Variants in ABR observed in about 807,000 individuals in gnomAD.
The protein encoded by ABR is ABR activator of RhoGEF and GTPase, also known as active breakpoint cluster region-related protein.
In ABR, 35 loss-of-function variants were observed where a neutral mutation model predicts 107.2. The ratio of observed to expected loss-of-function variants is 0.33; its 90% CI spans 0.25 to 0.43. ABR has a LOEUF of 0.43. Among genes scored for constraint, ABR ranks in the 20% least tolerant of loss-of-function variants. The pLI is 1.00. For missense variants in ABR, 815 were observed against 1,115.2 expected (o/e 0.73, Z 3.83); for synonymous variants, 498 against 462.0 (o/e 1.08, Z -1.00).
intron 1 of ABR, among the ~76,000 whole-genome samples, chr17:1,167,944 G>A (rs2041576252): frequency 6.6e-6 from 1 of 152,148 alleles, no homozygotes; most frequent in Non-Finnish European, 1.5e-5. Context: ...CTTGAGGTCA[G>A]GAGTTCAAAG....
At chr17:1,139,345 G>A (rs2040201835) in intron 1 of ABR, among the ~76,000 whole-genome samples, 2 of 152,100 alleles carry the variant, frequency 1.3e-5, no homozygotes, top group Admixed American at 1.3e-4. Context: ...TCCGCCTCCC[G>A]GGTTCAAGCC....
At position 1,037,325 on chromosome 17, in the gene ABR, A is replaced by T. The variant is rs993206566; in HGVS notation, c.1791+12725T>A. ...GTCCCGAGTACGTGCTGCTTCTCAC[A>T]CAGCTCCAGCCTCCCTCTGCCTGAC... On this transcript the variant is annotated intron_variant, in intron 16 of 22. Transcript: ENST00000302538. This position sits in a 1 kb window ranked among gnomAD's most constrained non-coding sequence, Gnocchi z 4.6. Among the ~76,000 whole-genome samples the T allele has an allele frequency of 6.6e-6, 1 of 151,956 alleles. No homozygotes were observed. Among genetic ancestry groups the T allele is most frequent in the African/African-American group, 2.4e-5 (1 of 41,334 alleles).
At chr17:1,169,791 T>C (rs2041640219) in intron 1 of ABR, among the ~76,000 whole-genome samples, 2 of 152,064 alleles carry the variant, frequency 1.3e-5, no homozygotes, top group Admixed American at 1.3e-4. Context: ...TTATTTTCCT[T>C]TTGAAATGTG....
At chr17:1,108,257 GCCGCCCCGCT>G (rs774801650) in intron 2 of ABR, among the ~76,000 whole-genome samples, 39 of 152,254 alleles carry the variant, frequency 2.6e-4, no homozygotes, top group South Asian at 4.1e-4. Context: ...TGGTTCCGGG[GCCGCCCCGCT>G]CCTCAAGGGA....
intron 2 of ABR, among the ~76,000 whole-genome samples, chr17:1,122,776 C>T (rs2039408111): frequency 6.6e-6 from 1 of 152,198 alleles, no homozygotes. Flanking sequence ...ACAGATAACG[C>T]ACACACCCTG....
At chr17:1,036,648 C>G (rs372126597) in intron 16 of ABR, among the ~76,000 whole-genome samples, 2 of 150,592 alleles carry the variant, frequency 1.3e-5, no homozygotes, top group African/African-American at 5.0e-5. Flanking sequence ...CCAGCGCCCA[C>G]ACAGGGCGTG....
At chr17:1,019,774 G>A (rs1433213805) in intron 16 of ABR, among the ~76,000 whole-genome samples, 1 of 152,266 alleles carries the variant, frequency 6.6e-6, no homozygotes, top group Non-Finnish European at 1.5e-5. Context: ...CTGGCCCCTG[G>A]GACGTTGGTG....
intron 1 of ABR, among the ~76,000 whole-genome samples, chr17:1,206,957 C>T (rs940457511): frequency 6.6e-6 from 1 of 152,066 alleles, no homozygotes. Flanking sequence ...TGGTGGCATG[C>T]GCCTGTAATC....
At chr17:1,143,637 T>C (rs1182023211) in intron 1 of ABR, among the ~76,000 whole-genome samples, 1 of 152,120 alleles carries the variant, frequency 6.6e-6, no homozygotes, top group Non-Finnish European at 1.5e-5. Context: ...GCGGGTGTTA[T>C]GGCCTCTCTG....
chr17:1,048,738 G>A lies in ABR; in HGVS notation c.1791+1312C>T, dbSNP rs373831148. On this transcript the variant is annotated intron_variant, in intron 16 of 22. Transcript: ENST00000302538. ...GCCCAGCTGCGCCTGGATCACGTCC[G>A]GGGCCACGGTCAAGAAGCTCGGCGC... Among the ~76,000 whole-genome samples the A allele has an allele frequency of 6.0e-5, 9 of 148,776 alleles. No individual in the cohort carries two copies. In the East Asian group the frequency reaches 1.4e-3, roughly 23 times the overall value.
intron 1 of ABR, among the ~76,000 whole-genome samples, chr17:1,203,295 C>G (rs1461365673): frequency 1.8e-5 from 2 of 111,482 alleles, no homozygotes; most frequent in Admixed American, 1.0e-4. Flanking sequence ...CCTCAGGGGG[C>G]GTGGCCCGGC....
intron 1 of ABR, among the ~76,000 whole-genome samples, chr17:1,126,858 G>A (rs906935217): frequency 7.2e-5 from 11 of 152,334 alleles, no homozygotes; most frequent in East Asian, 1.9e-4. Context: ...GCAGGCTCTC[G>A]GGGAAAGTGC....
At chr17:1,170,097 T>A (rs1464664097) in intron 1 of ABR, among the ~76,000 whole-genome samples, 1 of 151,972 alleles carries the variant, frequency 6.6e-6, no homozygotes, top group African/African-American at 2.4e-5. Context: ...GGGCTCCAAG[T>A]GCCCATGAGG....
intron 2 of ABR, among the ~76,000 whole-genome samples, chr17:1,102,732 CAA>C (rs1328355735): frequency 6.6e-6 from 1 of 152,136 alleles, no homozygotes; most frequent in African/African-American, 2.4e-5. Context: ...CTTATTGAGA[CAA>C]AGTCTCCCTC....
At chr17:1,226,489 A>G (rs1254822624) in intron 1 of ABR, among the ~76,000 whole-genome samples, 1 of 144,440 alleles carries the variant, frequency 6.9e-6, no homozygotes, top group African/African-American at 2.8e-5. Context: ...TGCCATGTGT[A>G]TACGTGTAGG....
rs1192023546 is a variant in ABR at position 1,027,684 on chromosome 17, G to A, written c.1792-14520C>T. On this transcript the variant is annotated intron_variant, in intron 16 of 22. Coordinates refer to ENST00000302538, the MANE Select transcript of ABR (RefSeq NM_021962.5). The surrounding 1 kb of genome is among the most constrained non-coding windows in gnomAD (Gnocchi z 4.7). ...CCAGGAAGAGGTGGGCTGGTGTAGG[G>A]GCCTCCAGCTCTCGGGGGAGGCAGC... Among the ~76,000 whole-genome samples, 1 of 152,004 alleles carries A rather than the reference G, an allele frequency of 6.6e-6. No homozygotes were observed.
At position 1,148,903 on chromosome 17, in the gene ABR, T is replaced by C. The variant is rs950456866; in HGVS notation, c.62-23536A>G. On this transcript the variant is annotated intron_variant, in intron 1 of 22. Transcript: ENST00000302538. This position sits in a 1 kb window ranked among gnomAD's most constrained non-coding sequence, Gnocchi z 4.9. The stretch of plus-strand genomic sequence containing the variant: ...CATGATTTTCTTTTGTTTTTTGTTT[T>C]TGTTTTTGTTTTTTTTGAGACAGAG... Among the ~76,000 whole-genome samples the C allele has an allele frequency of 2.6e-5, 4 of 151,966 alleles. No individual in the cohort carries two copies. The highest frequency in any genetic ancestry group is 5.9e-5 in the Non-Finnish European group (4 of 68,014).
intron 1 of ABR, among the ~76,000 whole-genome samples, chr17:1,173,378 C>CA (rs921165556): frequency 6.9e-6 from 1 of 145,400 alleles, no homozygotes; most frequent in African/African-American, 2.7e-5. Flanking sequence ...GCCCACCCCC[C>CA]ACACATCACC....
chr17:1,034,452 C>T (rs774663860), intron 16 of ABR, among the ~76,000 whole-genome samples: 21 of 152,182 alleles, frequency 1.4e-4, no homozygotes, highest in Non-Finnish European at 2.1e-4. Flanking sequence ...TACTAGGCAC[C>T]ACGCCCAGAT....
Sources: allele counts gnomAD v4.1 joint callset (sites outside exome capture counted in the v4.1 genomes callset), GRCh38; gene constraint gnomAD v4.1.1; non-coding constraint Gnocchi (gnomAD v3.1); transcripts MANE v1.5; gene names NCBI Gene and HGNC (gene_info 2026-07-23, HGNC 2026-07-21).